Variants in APLP1 observed in about 807,000 individuals in gnomAD.
APLP1 encodes amyloid beta (A4) precursor-like protein 1.
Under a neutral mutation model 84.5 loss-of-function variants are expected in APLP1, and 46 were observed. The ratio of observed to expected loss-of-function variants is 0.54; its 90% CI spans 0.43 to 0.70. The LOEUF (loss-of-function observed/expected upper bound fraction) is 0.70, where lower values mean the gene tolerates loss of function less well. Among genes scored for constraint, APLP1 ranks in the 30% least tolerant of loss-of-function variants. The pLI, the probability that APLP1 is intolerant of heterozygous loss-of-function variation, is 0.00. For synonymous variants in APLP1, 376 were observed against 364.0 expected (o/e 1.03, Z -0.38); for missense variants, 826 against 900.2 (o/e 0.92, Z 1.05).
chr19:35,875,207 G>A (rs915778349), intron 10 of APLP1, among the ~76,000 whole-genome samples: 3 of 143,434 alleles, frequency 2.1e-5, no homozygotes, highest in African/African-American at 8.1e-5. Flanking sequence ...CTGTCGCCCA[G>A]GCAGGAGAGC....
intron 2 of APLP1, chr19:35,870,283 G>A (rs981567500): frequency 1.6e-5 from 3 of 184,670 alleles, no homozygotes; most frequent in Non-Finnish European, 3.4e-5. Flanking sequence ...TCTGACTGCG[G>A]GGAGGGGTGA....
chr19:35,870,054 G>GC, intron 2 of APLP1: 2 of 560,482 alleles, frequency 3.6e-6, no homozygotes, highest in Admixed American at 3.5e-5. Context: ...AAGAGTAGAG[G>GC]TGTAGGGGGG....
chr19:35,879,501 A>T lies in APLP1; in HGVS notation c.*60A>T, dbSNP rs1599585361. 6.8e-7 allele frequency: 1 copy of T among 1,467,122 alleles called. No individual in the cohort carries two copies. The highest frequency in any genetic ancestry group is 2.3e-5 in the East Asian group (1 of 44,138). 90.9% of individuals were successfully genotyped at this position (1,467,122 alleles called of 1,614,324 possible). ...CCTCCCCTCTTCCTGGAGCCCCAGAACCCCAACTCCCAGCCTAGGGCAGCA... is the reference window on the plus strand; with the variant it reads ...CCTCCCCTCTTCCTGGAGCCCCAGATCCCCAACTCCCAGCCTAGGGCAGCA... On this transcript the variant is annotated 3_prime_UTR_variant, in exon 17 of 17. Coordinates refer to ENST00000221891, the MANE Select transcript of APLP1 (RefSeq NM_001024807.3).
In APLP1 at chr19:35,877,760, A is replaced by C. The variant is rs1974318630; in HGVS notation, c.1487A>C (p.Glu496Ala). The C allele has an allele frequency of 1.9e-6, 3 of 1,608,912 alleles. No homozygotes were observed. The South Asian group carries it at 3.3e-5, about 18-fold the overall frequency. Residue 496 changes from glutamate (E) to alanine (A), a missense_variant, in exon 12 of 17, where the codon GAA becomes GCA. By Grantham distance (107) the Glu-to-Ala change is moderately radical. Around this residue, in one of 3 missense-constraint regions of APLP1, gnomAD observed 433 missense variants for 496.5 expected, o/e 0.87. Transcript: ENST00000221891. ...HSEHLGPSEL[E>A]APAPGGSSED... ...GAACACCTGGGTCCCAGTGAATTGG[A>C]AGCCCCTGCCCCTGGGGGCAGCAGC... is the stretch of plus-strand genomic sequence containing the variant.
Position 35,874,919 on chromosome 19 carries a change from C to T in APLP1, c.1344+50C>T, listed in dbSNP as rs370360453. On this transcript the variant is annotated intron_variant, in intron 10 of 16. Transcript: ENST00000221891. The surrounding 1 kb of genome is among the most constrained non-coding windows in gnomAD (Gnocchi z 6.4). Reference sequence around the variant, plus strand: ...AATGCGCCGCTATTCCTCAGACGCCCGCGCCTCAGGCTCTTCTCTTGTCCC... The same window carrying T: ...AATGCGCCGCTATTCCTCAGACGCCTGCGCCTCAGGCTCTTCTCTTGTCCC... 1.0e-5 allele frequency: 16 copies of T among 1,585,724 alleles called. No individual in the cohort carries two copies. The highest frequency in any genetic ancestry group is 5.1e-5 in the Admixed American group (3 of 58,788).
chr19:35,868,698 C>CGCTGCT lies in APLP1; in HGVS notation c.68_73dup (p.Leu23_Leu24dup). Reference sequence around the variant, plus strand: ...CGCCGCCCGGGCCAGCCGCCGCTGCCGCTGCTGCTGCCACTATTGCTGCTG... The same window carrying CGCTGCT: ...CGCCGCCCGGGCCAGCCGCCGCTGCCGCTGCTGCTGCTGCTGCCACTATTGCTGCTG... On this transcript the variant is annotated inframe_insertion, in exon 1 of 17. Coordinates refer to ENST00000221891, the MANE Select transcript of APLP1 (RefSeq NM_001024807.3). The surrounding 1 kb of genome is among the most constrained non-coding windows in gnomAD (Gnocchi z 5.2). The CGCTGCT allele has an allele frequency of 1.4e-6, 2 of 1,416,510 alleles. No individual in the cohort carries two copies. The highest frequency in any genetic ancestry group is 1.5e-5 in the South Asian group (1 of 68,586). The allele number at this position is 1,416,510 out of a possible 1,614,324, so 87.7% of individuals were successfully genotyped here. A position where few individuals can be genotyped will look rare whatever the true frequency, so the allele number is the denominator to read the frequency against.
chr19:35,876,253 C>T (rs1974279586), intron 10 of APLP1, among the ~76,000 whole-genome samples: 1 of 152,154 alleles, frequency 6.6e-6, no homozygotes, highest in African/African-American at 2.4e-5. Flanking sequence ...CAAATCTTGC[C>T]TTGAACCATG....
intron 11 of APLP1, 86 bp from the exon 12 acceptor site, chr19:35,877,632 G>A (rs1010790897): frequency 5.9e-6 from 5 of 844,130 alleles, no homozygotes; most frequent in African/African-American, 5.3e-5. Flanking sequence ...CTGTCTGCAT[G>A]ATCTCCCACT....
At chr19:35,878,983 G>A in intron 15 of APLP1, 31 bp downstream of exon 15, 1 of 1,613,940 alleles carries the variant, frequency 6.2e-7, no homozygotes. Flanking sequence ...GTACCTAGGG[G>A]AAGAGACCAG....
intron 2 of APLP1, chr19:35,870,159 T>TG (rs776430115): frequency 9.1e-5 from 26 of 286,022 alleles, no homozygotes; most frequent in Non-Finnish European, 1.6e-4. Flanking sequence ...CGCGGAGAGC[T>TG]GGGGGGGCGT....
Position 35,878,098 on chromosome 19 carries a change from C to T in APLP1, c.1569C>T (p.Thr523=). The T allele has an allele frequency of 6.2e-7, 1 of 1,613,010 alleles. No homozygotes were observed. Among genetic ancestry groups the T allele is most frequent in the Non-Finnish European group, 8.5e-7 (1 of 1,179,598 alleles). The change falls in exon 13 of 17, where the codon ACC becomes ACT. Residue 523 remains threonine (T), a synonymous_variant. Coordinates refer to ENST00000221891, the MANE Select transcript of APLP1 (RefSeq NM_001024807.3). ...GGCTGCCAGCAGACACCCCCATGAC[C>T]CTTCCAAAAGGTGAGTGTCTCACAG... is the stretch of plus-strand genomic sequence containing the variant. The part of the protein sequence containing the change: ...PDSKDADTPM[T]LPKGSTEQDA...
intron 13 of APLP1, 127 bp downstream of exon 13, chr19:35,878,235 C>T (rs1464261905): frequency 9.6e-6 from 10 of 1,037,636 alleles, no homozygotes; most frequent in Non-Finnish European, 1.3e-5. Flanking sequence ...TTCCAGCCCC[C>T]TCCTCTGGAC....
rs906770844 is a variant in APLP1, at chr19:35,874,565, T to A, written c.1118T>A (p.Val373Glu). Residue 373 changes from valine (V) to glutamate (E), a missense_variant, in exon 9 of 17, where the codon GTG becomes GAG. This residue lies in a region of APLP1 where 433 missense variants were observed against 496.5 expected (regional missense o/e 0.87). Coordinates refer to ENST00000221891, the MANE Select transcript of APLP1 (RefSeq NM_001024807.3). The surrounding 1 kb of genome is among the most constrained non-coding windows in gnomAD (Gnocchi z 6.4). ...EQVSGERQRLVETHATRVIAL... is the reference protein window; with the variant it reads ...EQVSGERQRLEETHATRVIAL... Reference sequence around the variant, plus strand: ...GTGTCTGGTGAGCGACAGCGCCTGGTGGAAACCCACGCCACCCGCGTCATC... The same window carrying A: ...GTGTCTGGTGAGCGACAGCGCCTGGAGGAAACCCACGCCACCCGCGTCATC... 6.2e-7 allele frequency: 1 copy of A among 1,614,084 alleles called. No homozygotes were observed. The highest frequency in any genetic ancestry group is 1.7e-5 in the Admixed American group (1 of 60,026).
chr19:35,872,346 C>T, intron 6 of APLP1, 137 bp from the exon 7 acceptor site: 2 of 1,215,886 alleles, frequency 1.6e-6, no homozygotes, highest in Non-Finnish European at 2.3e-6. Flanking sequence ...CTACATCTCC[C>T]ATAATGCCAG....
chr19:35,875,246 C>G (rs1192221567), intron 10 of APLP1, among the ~76,000 whole-genome samples: 1 of 148,804 alleles, frequency 6.7e-6, no homozygotes, highest in Non-Finnish European at 1.5e-5. Flanking sequence ...ATTGCAACTT[C>G]CACCTCCTGG....
Position 35,872,623 on chromosome 19 carries a change from C to T in APLP1, c.981+10C>T. 6.2e-7 allele frequency: 1 copy of T among 1,610,938 alleles called. No homozygotes were observed. The highest frequency in any genetic ancestry group is 8.5e-7 in the Non-Finnish European group (1 of 1,178,198). On this transcript the variant is annotated intron_variant, in intron 7 of 16. Coordinates refer to ENST00000221891, the MANE Select transcript of APLP1 (RefSeq NM_001024807.3). ...GCGCCAGATTAATGAGGTGATAATA[C>T]TGGGGGCCCCAGGACCCCCTACAGT...
chr19:35,871,824 TTC>T (rs1413666925), intron 5 of APLP1, 32 bp from the exon 6 acceptor site: 2 of 1,613,070 alleles, frequency 1.2e-6, no homozygotes, highest in Non-Finnish European at 8.5e-7. Context: ...CAGGCCTGGG[TTC>T]TTACTGCCTG....
At chr19:35,878,217 G>A (rs1974327478) in intron 13 of APLP1, 109 bp downstream of exon 13, 2 of 1,250,730 alleles carry the variant, frequency 1.6e-6, no homozygotes, top group Non-Finnish European at 2.2e-6. Context: ...GGTAGAGTTT[G>A]ATGTACTTTC....
At chr19:35,873,850 T>C in intron 8 of APLP1, 137 bp downstream of exon 8, 1 of 766,192 alleles carries the variant, frequency 1.3e-6, no homozygotes, top group Non-Finnish European at 2.2e-6. Context: ...GCCCCATGCC[T>C]ACATGCAGCT....
Sources: allele counts gnomAD v4.1 joint callset (sites outside exome capture counted in the v4.1 genomes callset), GRCh38; gene constraint gnomAD v4.1.1; regional missense constraint gnomAD v4.1.1; non-coding constraint Gnocchi (gnomAD v3.1); transcripts MANE v1.5; gene names NCBI Gene and HGNC (gene_info 2026-07-23, HGNC 2026-07-21).